Variants in UBAC2 observed in about 807,000 individuals in gnomAD.
UBAC2 encodes the protein UBA domain containing 2.
In UBAC2, 26 loss-of-function variants were observed where a neutral mutation model predicts 44.0. That is an observed-to-expected ratio of 0.59 (90% CI 0.43 to 0.82). UBAC2 has a LOEUF of 0.82. Among genes scored for constraint, UBAC2 ranks in the 40% least tolerant of loss-of-function variants. The pLI is 0.00. For synonymous variants in UBAC2, 155 were observed against 154.3 expected (o/e 1.00, Z -0.04); for missense variants, 329 against 419.4 (o/e 0.78, Z 1.88).
At chr13:99,236,317 A>G (rs1458907106) in intron 1 of UBAC2, among the ~76,000 whole-genome samples, 1 of 152,250 alleles carries the variant, frequency 6.6e-6, no homozygotes, top group African/African-American at 2.4e-5. Context: ...AATCCATCTG[A>G]CAAGGGATTA....
intron 1 of UBAC2, among the ~76,000 whole-genome samples, chr13:99,236,785 G>A (rs1014833717): frequency 3.3e-4 from 50 of 152,112 alleles, no homozygotes; most frequent in Non-Finnish European, 8.8e-5. Context: ...GGGGGGCAGA[G>A]GTTGCAGTGA....
intron 6 of UBAC2, among the ~76,000 whole-genome samples, chr13:99,320,203 A>T (rs993525872): frequency 1.3e-5 from 2 of 152,164 alleles, no homozygotes; most frequent in Non-Finnish European, 2.9e-5. Context: ...CAGTGCACTA[A>T]AATTGGAGGT....
intron 2 of UBAC2, among the ~76,000 whole-genome samples, chr13:99,238,759 T>C (rs573942408): frequency 7.4e-4 from 113 of 152,320 alleles, no homozygotes; most frequent in Non-Finnish European, 1.5e-3. Context: ...GTATTTCCTT[T>C]TATTAGGCAC....
chr13:99,232,253 A>G (rs995223365), intron 1 of UBAC2, among the ~76,000 whole-genome samples: 26 of 152,066 alleles, frequency 1.7e-4, no homozygotes, highest in Admixed American at 1.2e-3. Flanking sequence ...AATATTTAAC[A>G]TATTCAAAAA....
intron 4 of UBAC2, among the ~76,000 whole-genome samples, chr13:99,264,860 C>T (rs2043720117): frequency 6.6e-6 from 1 of 152,096 alleles, no homozygotes. Context: ...GTCCTCATCC[C>T]AGGGAGGAAA....
At chr13:99,309,667 C>T (rs1351218193) in intron 4 of UBAC2, among the ~76,000 whole-genome samples, 3 of 151,884 alleles carry the variant, frequency 2.0e-5, no homozygotes, top group Non-Finnish European at 4.4e-5. Flanking sequence ...GTGGCACGAT[C>T]TTGGCTCACT....
At chr13:99,309,803 G>A (rs2044388444) in intron 4 of UBAC2, among the ~76,000 whole-genome samples, 1 of 152,032 alleles carries the variant, frequency 6.6e-6, no homozygotes, top group Non-Finnish European at 1.5e-5. Context: ...GTGGAGACAA[G>A]GTCTCATTAT....
chr13:99,307,605 T>G (rs561044126), intron 4 of UBAC2, among the ~76,000 whole-genome samples: 2 of 152,234 alleles, frequency 1.3e-5, no homozygotes, highest in South Asian at 4.1e-4. Flanking sequence ...AAAAGCCCCT[T>G]GGAATTTATG....
intron 1 of UBAC2, among the ~76,000 whole-genome samples, chr13:99,228,789 C>T (rs28600964): frequency 1.3e-5 from 2 of 152,248 alleles, no homozygotes; most frequent in East Asian, 3.9e-4. Context: ...TTTTAGATTC[C>T]GTGGAGCCTT....
intron 7 of UBAC2, among the ~76,000 whole-genome samples, chr13:99,342,316 A>T (rs1326380102): frequency 6.6e-6 from 1 of 152,152 alleles, no homozygotes; most frequent in Admixed American, 6.5e-5. Context: ...ACCTCCTTAA[A>T]GTTCCTACCT....
chr13:99,203,058 G>A (rs200066003), intron 1 of UBAC2, among the ~76,000 whole-genome samples: 1 of 69,280 alleles, frequency 1.4e-5, no homozygotes, highest in East Asian at 4.2e-4. Flanking sequence ...TTTATTTATT[G>A]AGATGGAGTC....
intron 6 of UBAC2, among the ~76,000 whole-genome samples, chr13:99,320,001 T>G (rs1245661437): frequency 1.3e-5 from 2 of 152,252 alleles, no homozygotes; most frequent in Non-Finnish European, 2.9e-5. Context: ...AATATTGAAG[T>G]ACCTTATTGT....
intron 2 of UBAC2, among the ~76,000 whole-genome samples, chr13:99,242,864 T>G (rs7994322): frequency 0.25 from 35,223 of 139,290 alleles, 5,282 homozygotes; most frequent in Non-Finnish European, 0.34. Flanking sequence ...GCTCCTCACC[T>G]CCCAGACGGG....
At chr13:99,349,669 T>C (rs2045049619) in intron 7 of UBAC2, among the ~76,000 whole-genome samples, 1 of 152,216 alleles carries the variant, frequency 6.6e-6, no homozygotes, top group Non-Finnish European at 1.5e-5. Flanking sequence ...AGCGTTTTCT[T>C]CTATGCACTT....
intron 4 of UBAC2, among the ~76,000 whole-genome samples, chr13:99,285,162 C>T (rs9557191): frequency 0.16 from 25,014 of 152,072 alleles, 2,348 homozygotes; most frequent in Non-Finnish European, 0.22. Flanking sequence ...TTATTTACTA[C>T]TGAAACTACT....
chr13:99,353,917 A>T (rs1480065086), intron 7 of UBAC2, among the ~76,000 whole-genome samples: 1 of 152,202 alleles, frequency 6.6e-6, no homozygotes, highest in East Asian at 1.9e-4. Flanking sequence ...TTTGTGGAGA[A>T]AGCAGCCAGA....
chr13:99,324,244 A>G (rs528591470), intron 6 of UBAC2, among the ~76,000 whole-genome samples: 1 of 152,234 alleles, frequency 6.6e-6, no homozygotes, highest in African/African-American at 2.4e-5. Flanking sequence ...GCCCCTCTCT[A>G]CTGAAGCCCT....
chr13:99,375,970 ATTTTTTTTT>A (rs34164759), intron 8 of UBAC2, among the ~76,000 whole-genome samples: 7 of 130,838 alleles, frequency 5.4e-5, no homozygotes, highest in African/African-American at 2.0e-4. Context: ...AGCCCAGCTA[ATTTTTTTTT>A]TTTTTTTTTT....
chr13:99,314,147 G>C lies in UBAC2; in HGVS notation c.440G>C (p.Arg147Thr). 1 of 1,613,592 alleles carries C rather than the reference G, an allele frequency of 6.2e-7. No individual in the cohort carries two copies. Among genetic ancestry groups the C allele is most frequent in the Non-Finnish European group, 8.5e-7 (1 of 1,179,908 alleles). ...LFVPFYCSIP[R>T]VQVAQILGPL... ...GTACCATTTTACTGCTCCATACCAAGAGTCCAAGTGGCACAAATTCTGGGT... is the reference window on the plus strand; with the variant it reads ...GTACCATTTTACTGCTCCATACCAACAGTCCAAGTGGCACAAATTCTGGGT... Residue 147 changes from arginine (R) to threonine (T), a missense_variant, in exon 5 of 9, where the codon AGA becomes ACA. Physicochemically the swap from Arg to Thr is moderately conservative, Grantham distance 71 (BLOSUM62 -1). Transcript: ENST00000403766.
Sources: allele counts gnomAD v4.1 joint callset (sites outside exome capture counted in the v4.1 genomes callset), GRCh38; gene constraint gnomAD v4.1.1; transcripts MANE v1.5; gene names NCBI Gene and HGNC (gene_info 2026-07-23, HGNC 2026-07-21).